The following SEMA6D variants were observed in gnomAD, a reference collection of about 807,000 sequenced individuals.
The protein encoded by SEMA6D is semaphorin 6D.
Under a neutral mutation model 106.6 loss-of-function variants are expected in SEMA6D, and 35 were observed. That is an observed-to-expected ratio of 0.33 (90% CI 0.25 to 0.44). SEMA6D has a LOEUF of 0.44. SEMA6D is among the 20% of genes least tolerant of loss of function. The pLI is 1.00. For synonymous variants in SEMA6D, 499 were observed against 487.7 expected (o/e 1.02, Z -0.31); for missense variants, 1,185 against 1,345.9 (o/e 0.88, Z 1.87).
chr15:47,297,356 TAGC>T (rs2035844532), intron 1 of SEMA6D, among the ~76,000 whole-genome samples: 1 of 152,200 alleles, frequency 6.6e-6, no homozygotes, highest in Non-Finnish European at 1.5e-5. Flanking sequence ...AAGCCACTGT[TAGC>T]AGGTGATTTA....
chr15:47,623,521 A>G (rs1214770913), intron 4 of SEMA6D, among the ~76,000 whole-genome samples: 1 of 152,220 alleles, frequency 6.6e-6, no homozygotes, highest in African/African-American at 2.4e-5. Context: ...GAAAAATACT[A>G]GGATGCATCA....
rs558939177 is a variant in SEMA6D at position 47,763,702 on chromosome 15, T to C, written c.748-148T>C. ...AGGTGAATCTAGTTTACCTTCTTAC[T>C]GAACAGATCCCTAGAGAGAAGACTG... On this transcript the variant is annotated intron_variant, in intron 9 of 18. Coordinates refer to ENST00000536845, the MANE Select transcript of SEMA6D (RefSeq NM_001358351.3). 14 of 731,530 alleles carry C rather than the reference T, an allele frequency of 1.9e-5. No homozygotes were observed. In the South Asian group the frequency reaches 2.3e-4, roughly 12 times the overall value. The allele number at this position is 731,530 out of a possible 1,614,324, so 45.3% of individuals were successfully genotyped here. A position where few individuals can be genotyped will look rare whatever the true frequency, so the allele number is the denominator to read the frequency against.
At chr15:47,185,028 C>T (rs1189377805) in intron 1 of SEMA6D, among the ~76,000 whole-genome samples, 1 of 152,072 alleles carries the variant, frequency 6.6e-6, no homozygotes. Flanking sequence ...CCCAGAGCCC[C>T]GAAGCCCGGA....
intron 2 of SEMA6D, among the ~76,000 whole-genome samples, chr15:47,426,051 T>C (rs1286924157): frequency 6.6e-6 from 1 of 152,186 alleles, no homozygotes; most frequent in East Asian, 1.9e-4. Flanking sequence ...TAATAAATGC[T>C]ACTTTTTCTA....
At chr15:47,353,812 T>C (rs1242932669) in intron 1 of SEMA6D, among the ~76,000 whole-genome samples, 1 of 152,164 alleles carries the variant, frequency 6.6e-6, no homozygotes, top group Admixed American at 6.5e-5. Context: ...AAGCTGAATT[T>C]GTATCATTTG....
intron 1 of SEMA6D, among the ~76,000 whole-genome samples, chr15:47,387,457 C>G (rs1236776427): frequency 6.6e-6 from 1 of 152,020 alleles, no homozygotes; most frequent in Non-Finnish European, 1.5e-5. Flanking sequence ...TTTTTGAGTC[C>G]CAACATGTTC....
chr15:47,378,642 A>G (rs1204703518), intron 1 of SEMA6D, among the ~76,000 whole-genome samples: 1 of 152,218 alleles, frequency 6.6e-6, no homozygotes, highest in Non-Finnish European at 1.5e-5. Context: ...TTTTCCACCA[A>G]GTGCTGCCTC....
chr15:47,219,241 CT>C (rs1229841240), intron 1 of SEMA6D, among the ~76,000 whole-genome samples: 1 of 152,162 alleles, frequency 6.6e-6, no homozygotes, highest in East Asian at 1.9e-4. Context: ...TGGGAGTGGA[CT>C]TTCACTGTCT....
rs546020634 is a variant in SEMA6D, at chr15:47,238,737, A to G, written c.-239+54319A>G. On this transcript the variant is annotated intron_variant, in intron 1 of 19. Coordinates refer to the SEMA6D transcript ENST00000558014. ...TTCTGGCCTGAGTTTGCTGGCAGCT[A>G]TGCTTAGGCTGGGACCAGTGGAAAT... 1.8e-4 allele frequency among the ~76,000 whole-genome samples: 28 copies of G among 152,260 alleles called. No individual in the cohort carries two copies. In the South Asian group the frequency reaches 5.0e-3, roughly 27 times the overall value.
At chr15:47,672,977 A>G (rs1321525775) in intron 4 of SEMA6D, among the ~76,000 whole-genome samples, 2 of 152,172 alleles carry the variant, frequency 1.3e-5, no homozygotes, top group Admixed American at 1.3e-4. Context: ...CAACCCCTAT[A>G]GCTTCTGGTG....
chr15:47,200,124 A>G (rs1367817416), intron 1 of SEMA6D, among the ~76,000 whole-genome samples: 1 of 152,152 alleles, frequency 6.6e-6, no homozygotes, highest in South Asian at 2.1e-4. Flanking sequence ...AGATTACTCA[A>G]CAAAGGAACA....
chr15:47,546,215 A>G (rs1267223547), intron 3 of SEMA6D, among the ~76,000 whole-genome samples: 2 of 152,188 alleles, frequency 1.3e-5, no homozygotes, highest in Non-Finnish European at 2.9e-5. Flanking sequence ...GTGTGAGGCA[A>G]GACAAGGAAG....
chr15:47,374,053 A>G (rs1337063381), intron 1 of SEMA6D, among the ~76,000 whole-genome samples: 1 of 152,212 alleles, frequency 6.6e-6, no homozygotes, highest in Non-Finnish European at 1.5e-5. Flanking sequence ...TATTTTGGAC[A>G]TGCACTAGGG....
At chr15:47,635,831 G>A (rs1315599082) in intron 4 of SEMA6D, among the ~76,000 whole-genome samples, 1 of 152,024 alleles carries the variant, frequency 6.6e-6, no homozygotes. Context: ...GTCACCAGGT[G>A]CACATGACAA....
At chr15:47,625,230 A>G (rs2077180624) in intron 4 of SEMA6D, among the ~76,000 whole-genome samples, 1 of 152,204 alleles carries the variant, frequency 6.6e-6, no homozygotes. Flanking sequence ...CCCAGTACCC[A>G]GCTTATGGCC....
At chr15:47,553,461 C>G (rs957420859) in intron 3 of SEMA6D, among the ~76,000 whole-genome samples, 1 of 152,160 alleles carries the variant, frequency 6.6e-6, no homozygotes, top group African/African-American at 2.4e-5. Context: ...GCCTATCACC[C>G]TTTTCCTTTT....
intron 1 of SEMA6D, among the ~76,000 whole-genome samples, chr15:47,359,122 A>T (rs941790206): frequency 1.3e-5 from 2 of 152,150 alleles, no homozygotes; most frequent in Non-Finnish European, 2.9e-5. Flanking sequence ...ACTATGCCTT[A>T]TAGTACCCAG....
chr15:47,644,920 C>G (rs2077553620), intron 4 of SEMA6D, among the ~76,000 whole-genome samples: 1 of 152,100 alleles, frequency 6.6e-6, no homozygotes, highest in South Asian at 2.1e-4. Context: ...CTAAGTGAAG[C>G]TTCATAACAT....
upstream of SEMA6D, among the ~76,000 whole-genome samples, chr15:47,716,409 G>A (rs1350168860): frequency 1.3e-5 from 2 of 152,196 alleles, no homozygotes; most frequent in African/African-American, 4.8e-5. Context: ...GTGTTTGGGA[G>A]AAAGCAGGAA....
Sources: allele counts gnomAD v4.1 joint callset (sites outside exome capture counted in the v4.1 genomes callset), GRCh38; gene constraint gnomAD v4.1.1; transcripts MANE v1.5; gene names NCBI Gene and HGNC (gene_info 2026-07-23, HGNC 2026-07-21).